UBE2E2: variants seen among roughly 807,000 people sequenced by gnomAD.
UBE2E2 encodes the protein ubiquitin conjugating enzyme E2 E2.
A neutral mutation model predicts 24.7 loss-of-function variants in UBE2E2; 6 were observed. The observed-to-expected ratio is 0.24, with a 90% CI of 0.13 to 0.48. The LOEUF (loss-of-function observed/expected upper bound fraction) is 0.48. UBE2E2 is among the 20% of genes least tolerant of loss of function. The pLI is 0.99. For missense variants in UBE2E2, 169 were observed against 245.0 expected (o/e 0.69, Z 2.07); for synonymous variants, 104 against 83.6 (o/e 1.24, Z -1.33).
chr3:23,298,517 A>G lies in UBE2E2; in HGVS notation c.227+81205A>G, dbSNP rs567970031. 2.3e-3 allele frequency among the ~76,000 whole-genome samples: 349 copies of G among 152,260 alleles called. 3 individuals carry two copies. Among genetic ancestry groups the G allele is most frequent in the African/African-American group, 8.0e-3 (331 of 41,544 alleles). ...CATGAAGAGTTGTTGAATTTTGTCA[A>G]AGGCCTTTTCTGCATCTATTGAGAT... On this transcript the variant is annotated intron_variant, in intron 3 of 5. Coordinates refer to ENST00000396703, the MANE Select transcript of UBE2E2 (RefSeq NM_152653.4).
chr3:23,207,409 A>G (rs545864828), intron 1 of UBE2E2, among the ~76,000 whole-genome samples: 1 of 149,310 alleles, frequency 6.7e-6, no homozygotes, highest in African/African-American at 2.4e-5. Context: ...CTTGAGGGAT[A>G]TTTTAGCCAG....
intron 3 of UBE2E2, among the ~76,000 whole-genome samples, chr3:23,366,708 C>G (rs1408756462): frequency 6.6e-6 from 1 of 151,758 alleles, no homozygotes; most frequent in Non-Finnish European, 1.5e-5. Context: ...TATACCAAAC[C>G]CCTGTGACAT....
chr3:23,362,941 CAGGCT>C (rs368890379), intron 3 of UBE2E2, among the ~76,000 whole-genome samples: 126,669 of 151,556 alleles, frequency 0.84, 52,981 homozygotes, highest in African/African-American at 0.88. Context: ...ACAGTGAAAA[CAGGCT>C]TTTCAGCAAA....
At chr3:23,524,486 G>A (rs1290419588) in intron 4 of UBE2E2, among the ~76,000 whole-genome samples, 2 of 152,116 alleles carry the variant, frequency 1.3e-5, no homozygotes, top group Non-Finnish European at 2.9e-5. Flanking sequence ...TCATTTTACA[G>A]ATGAAGAAAC....
At chr3:23,222,769 T>G (rs990354630) in intron 3 of UBE2E2, among the ~76,000 whole-genome samples, 1 of 152,122 alleles carries the variant, frequency 6.6e-6, no homozygotes, top group African/African-American at 2.4e-5. Context: ...GGAAGTTCTG[T>G]TTTTAGTTTT....
chr3:23,210,601 A>G (rs1378253001), intron 2 of UBE2E2, among the ~76,000 whole-genome samples: 1 of 152,202 alleles, frequency 6.6e-6, no homozygotes, highest in African/African-American at 2.4e-5. Context: ...AGATTTCACG[A>G]GGGAAAAATA....
At chr3:23,496,737 T>C (rs995975085) in intron 3 of UBE2E2, among the ~76,000 whole-genome samples, 2 of 152,196 alleles carry the variant, frequency 1.3e-5, no homozygotes, top group Non-Finnish European at 2.9e-5. Flanking sequence ...CAATGTCTTC[T>C]GGTGATACAC....
chr3:23,341,995 C>G (rs937899799), intron 3 of UBE2E2, among the ~76,000 whole-genome samples: 13 of 152,100 alleles, frequency 8.5e-5, no homozygotes, highest in African/African-American at 2.9e-4. Context: ...TAAAAGAGAA[C>G]AAACATTTGT....
At chr3:23,358,739 A>G (rs1559360734) in intron 3 of UBE2E2, among the ~76,000 whole-genome samples, 3 of 152,338 alleles carry the variant, frequency 2.0e-5, no homozygotes, top group South Asian at 2.1e-4. Flanking sequence ...AAATATCTAA[A>G]TATTTCTTGC....
At chr3:23,343,366 A>G (rs1316225677) in intron 3 of UBE2E2, among the ~76,000 whole-genome samples, 2 of 152,054 alleles carry the variant, frequency 1.3e-5, no homozygotes, top group African/African-American at 4.8e-5. Context: ...ACCTGAGGTG[A>G]GGAGTTCAAC....
intron 5 of UBE2E2, among the ~76,000 whole-genome samples, chr3:23,585,893 G>A (rs1333068636): frequency 6.9e-6 from 1 of 145,108 alleles, no homozygotes; most frequent in Non-Finnish European, 1.5e-5. Flanking sequence ...AAATTATTTG[G>A]TTGATAACAT....
chr3:23,460,662 C>T (rs904493666), intron 3 of UBE2E2, among the ~76,000 whole-genome samples: 3 of 152,098 alleles, frequency 2.0e-5, no homozygotes, highest in Non-Finnish European at 2.9e-5. Flanking sequence ...AGATTATTTT[C>T]TTTTGGGTTG....
intron 3 of UBE2E2, among the ~76,000 whole-genome samples, chr3:23,421,953 G>A (rs768439509): frequency 3.3e-5 from 5 of 152,222 alleles, no homozygotes; most frequent in Non-Finnish European, 7.3e-5. Flanking sequence ...GTTATTGAAT[G>A]AGGGAAATGT....
intron 4 of UBE2E2, among the ~76,000 whole-genome samples, chr3:23,521,881 C>T (rs764699223): frequency 2.0e-5 from 3 of 151,618 alleles, no homozygotes; most frequent in Non-Finnish European, 4.4e-5. Flanking sequence ...TTGATGGATC[C>T]CCGTGTACCC....
At chr3:23,485,177 C>G (rs1284615919) in intron 3 of UBE2E2, among the ~76,000 whole-genome samples, 1 of 150,066 alleles carries the variant, frequency 6.7e-6, no homozygotes, top group Non-Finnish European at 1.5e-5. Context: ...TCACTGCAAC[C>G]TCCACCTCCA....
chr3:23,221,380 C>G (rs1342681912), intron 3 of UBE2E2, among the ~76,000 whole-genome samples: 1 of 152,116 alleles, frequency 6.6e-6, no homozygotes, highest in East Asian at 1.9e-4. Context: ...GTAATCATCA[C>G]AGTCTGTTTT....
At chr3:23,571,216 TCA>T (rs1696213740) in intron 5 of UBE2E2, among the ~76,000 whole-genome samples, 1 of 148,320 alleles carries the variant, frequency 6.7e-6, no homozygotes, top group African/African-American at 2.5e-5. Flanking sequence ...CCACTGCCCC[TCA>T]CACACAGCAT....
intron 5 of UBE2E2, among the ~76,000 whole-genome samples, chr3:23,551,176 C>G (rs1007384385): frequency 6.6e-6 from 1 of 151,992 alleles, no homozygotes; most frequent in Admixed American, 6.6e-5. Context: ...GTTCAACATT[C>G]CATAAAATAT....
intron 4 of UBE2E2, among the ~76,000 whole-genome samples, chr3:23,528,299 G>A (rs746376530): frequency 2.0e-5 from 3 of 152,170 alleles, no homozygotes; most frequent in Non-Finnish European, 4.4e-5. Context: ...ATCTATTACT[G>A]TTTGGTTCTT....
Sources: allele counts gnomAD v4.1 joint callset (sites outside exome capture counted in the v4.1 genomes callset), GRCh38; gene constraint gnomAD v4.1.1; transcripts MANE v1.5; gene names NCBI Gene and HGNC (gene_info 2026-07-23, HGNC 2026-07-21).